The following EPM2A variants were observed in gnomAD, a reference collection of about 807,000 sequenced individuals.
EPM2A encodes the protein EPM2A glucan phosphatase, laforin.
In EPM2A, 21 loss-of-function variants were observed where a neutral mutation model predicts 26.5. The observed-to-expected ratio is 0.79, with a 90% CI of 0.56 to 1.14. The LOEUF is 1.14. Among genes scored for constraint, EPM2A ranks in the 50% most tolerant of loss-of-function variants. The pLI, the probability that EPM2A is intolerant of heterozygous loss-of-function variation, is 0.00. For missense variants in EPM2A, 458 were observed against 440.8 expected (o/e 1.04, Z -0.35); for synonymous variants, 217 against 177.6 (o/e 1.22, Z -1.76).
chr6:145,726,047 A>C (rs1776188909), intron 1 of EPM2A, among the ~76,000 whole-genome samples: 3 of 152,086 alleles, frequency 2.0e-5, no homozygotes, highest in Admixed American at 2.0e-4. Context: ...AATCAAACAG[A>C]GCTCCTTGGA....
chr6:145,417,681 A>G (rs1378714171), intron 4 of EPM2A, among the ~76,000 whole-genome samples: 1 of 152,076 alleles, frequency 6.6e-6, no homozygotes, highest in African/African-American at 2.4e-5. Flanking sequence ...TGAGGGGGTG[A>G]CTTTTTTCTG....
At chr6:145,413,944 C>T (rs1009931255) in intron 4 of EPM2A, among the ~76,000 whole-genome samples, 1 of 152,196 alleles carries the variant, frequency 6.6e-6, no homozygotes, top group Non-Finnish European at 1.5e-5. Context: ...TCCCCCTCTC[C>T]TTCTCTAGAT....
At chr6:145,492,965 G>A (rs1335497366) in intron 4 of EPM2A, among the ~76,000 whole-genome samples, 3 of 152,132 alleles carry the variant, frequency 2.0e-5, no homozygotes, top group Non-Finnish European at 4.4e-5. Flanking sequence ...TGGGACCCTC[G>A]CCAGGGACCC....
At chr6:145,699,481 G>A (rs915041806) in intron 1 of EPM2A, among the ~76,000 whole-genome samples, 1 of 152,138 alleles carries the variant, frequency 6.6e-6, no homozygotes, top group Non-Finnish European at 1.5e-5. Context: ...TGTTGGAGAA[G>A]GTAATATCAG....
At chr6:145,695,608 T>G (rs1318026696) in intron 1 of EPM2A, among the ~76,000 whole-genome samples, 1 of 151,954 alleles carries the variant, frequency 6.6e-6, no homozygotes, top group Non-Finnish European at 1.5e-5. Flanking sequence ...AAAAATATAT[T>G]CCATGCAAAT....
At chr6:145,725,723 G>C (rs1776171461) in intron 1 of EPM2A, among the ~76,000 whole-genome samples, 1 of 152,038 alleles carries the variant, frequency 6.6e-6, no homozygotes, top group Admixed American at 6.6e-5. Context: ...CAAAACTATG[G>C]AGATGGTAAA....
chr6:145,453,500 A>C (rs1779224095), intron 4 of EPM2A, among the ~76,000 whole-genome samples: 1 of 152,142 alleles, frequency 6.6e-6, no homozygotes, highest in African/African-American at 2.4e-5. Flanking sequence ...AGAAAAAAAA[A>C]CCAAACAAAC....
chr6:145,656,622 A>T (rs1778309246), intron 2 of EPM2A, among the ~76,000 whole-genome samples: 1 of 151,668 alleles, frequency 6.6e-6, no homozygotes, highest in Non-Finnish European at 1.5e-5. Context: ...CATTAGAGAG[A>T]GGGCTTGATC....
At chr6:145,551,787 G>A (rs1050768217) in intron 2 of EPM2A, among the ~76,000 whole-genome samples, 5 of 150,160 alleles carry the variant, frequency 3.3e-5, no homozygotes, top group African/African-American at 9.8e-5. Context: ...GGATTCACAC[G>A]AATAAGCCAC....
chr6:145,715,636 A>G lies in EPM2A; in HGVS notation c.301+19562T>C, dbSNP rs575719922. On this transcript the variant is annotated intron_variant, in intron 1 of 3. Transcript: ENST00000367519. ...TCATCTGTATTTACAGCTGCTCCCC[A>G]TCACTCACATTACGGGGTGAACTCT... Among the ~76,000 whole-genome samples the G allele has an allele frequency of 3.3e-5, 5 of 152,296 alleles. No homozygotes were observed. In the East Asian group the frequency reaches 9.6e-4, roughly 29 times the overall value.
In EPM2A at chr6:145,483,247, A is replaced by T. The variant is rs1161221852; in HGVS notation, c.555+19275T>A. 2.6e-5 allele frequency among the ~76,000 whole-genome samples: 4 copies of T among 152,130 alleles called. No homozygotes were observed. The East Asian group carries it at 7.7e-4, about 29-fold the overall frequency. The stretch of plus-strand genomic sequence containing the variant: ...AGCATTCAATTAAATCTTCTGTAGC[A>T]CATAAGCCAAGTGTCTAGCTAGTCC... On this transcript the variant is annotated intron_variant, in intron 4 of 4. Transcript: ENST00000638717.
intron 2 of EPM2A, among the ~76,000 whole-genome samples, chr6:145,620,202 G>C (rs1475915788): frequency 1.3e-5 from 2 of 152,170 alleles, no homozygotes; most frequent in African/African-American, 4.8e-5. Context: ...GTATGGTTTT[G>C]GGATGACACT....
In EPM2A at chr6:145,537,767, G is replaced by A. The variant is rs181306105; in HGVS notation, c.341-35192C>T. Among the ~76,000 whole-genome samples the A allele has an allele frequency of 5.2e-5, 7 of 134,758 alleles. No individual in the cohort carries two copies. In the East Asian group the frequency reaches 1.6e-3, roughly 31 times the overall value. The allele number at this position is 134,758 out of a possible 152,430, so 88.4% of individuals were successfully genotyped here. On this transcript the variant is annotated intron_variant, in intron 2 of 3. Transcript: ENST00000450221. ...TCGCTCCCCTCACTCCCCACCCCCCGACAGGCCCCAGTGTGTGTTGTTGCC... is the reference window on the plus strand; with the variant it reads ...TCGCTCCCCTCACTCCCCACCCCCCAACAGGCCCCAGTGTGTGTTGTTGCC...
At chr6:145,496,728 A>ATGTTTTTTTGTTTT (rs779194973), downstream of EPM2A, among the ~76,000 whole-genome samples, 35 of 106,906 alleles carry the variant, frequency 3.3e-4, 3 homozygotes, top group South Asian at 7.3e-4. Context: ...AGTTCCTGCA[A>ATGTTTTTTTGTTTT]TTTTTTTTTT....
At chr6:145,576,527 A>G (rs535307301) in intron 2 of EPM2A, among the ~76,000 whole-genome samples, 1 of 152,216 alleles carries the variant, frequency 6.6e-6, no homozygotes, top group Admixed American at 6.5e-5. Flanking sequence ...AGAAACTCTC[A>G]ACTTAGAATA....
intron 4 of EPM2A, among the ~76,000 whole-genome samples, chr6:145,388,833 G>T (rs1463169020): frequency 6.6e-6 from 1 of 152,130 alleles, no homozygotes; most frequent in Non-Finnish European, 1.5e-5. Flanking sequence ...TCCCTGCAAA[G>T]GACATGAATT....
At chr6:145,671,426 T>C in intron 2 of EPM2A, 1 of 988,176 alleles carries the variant, frequency 1.0e-6, no homozygotes, top group Non-Finnish European at 1.2e-6. Flanking sequence ...TGATATGAAC[T>C]ATAGTCATTG....
chr6:145,568,711 T>C (rs192440825), intron 2 of EPM2A, among the ~76,000 whole-genome samples: 56 of 152,184 alleles, frequency 3.7e-4, no homozygotes, highest in African/African-American at 1.3e-3. Context: ...CTATCCCTTT[T>C]CAAACATCAG....
intron 2 of EPM2A, among the ~76,000 whole-genome samples, chr6:145,556,089 T>C (rs1383280226): frequency 6.6e-6 from 1 of 152,200 alleles, no homozygotes; most frequent in Non-Finnish European, 1.5e-5. Context: ...AGCCACTCTA[T>C]TAAATGAAAA....
Sources: allele counts gnomAD v4.1 joint callset (sites outside exome capture counted in the v4.1 genomes callset), GRCh38; gene constraint gnomAD v4.1.1; transcripts MANE v1.5; gene names NCBI Gene and HGNC (gene_info 2026-07-23, HGNC 2026-07-21).